Variants in AK8 observed in about 807,000 individuals in gnomAD.
The protein encoded by AK8 is ATP-AMP transphosphorylase 8.
In AK8, 44 loss-of-function variants were observed where a neutral mutation model predicts 54.6. The observed-to-expected ratio is 0.81, with a 90% CI of 0.63 to 1.04. The LOEUF (loss-of-function observed/expected upper bound fraction) is 1.04, where lower values mean the gene tolerates loss of function less well. Among genes scored for constraint, AK8 ranks in the 50% least tolerant of loss-of-function variants. AK8 has a pLI of 0.00. For missense variants in AK8, 555 were observed against 613.6 expected, an observed-to-expected ratio of 0.90 and a Z score of 1.01; for synonymous variants, 239 against 245.6, an observed-to-expected ratio of 0.97 and a Z score of 0.25.
chr9:132,795,061 A>G (rs1302535785), intron 10 of AK8, among the ~76,000 whole-genome samples: 1 of 152,204 alleles, frequency 6.6e-6, no homozygotes. Flanking sequence ...CGTGCCAGCA[A>G]AGACTGTTGG....
chr9:132,823,821 G>A (rs1434977491), intron 8 of AK8, among the ~76,000 whole-genome samples: 1 of 152,246 alleles, frequency 6.6e-6, no homozygotes, highest in Non-Finnish European at 1.5e-5. Flanking sequence ...CACAGGCTTT[G>A]ATAAACGCAT....
intron 11 of AK8, among the ~76,000 whole-genome samples, chr9:132,757,291 G>A (rs1335937506): frequency 1.3e-5 from 2 of 152,150 alleles, no homozygotes; most frequent in Admixed American, 6.5e-5. Flanking sequence ...GGCTCCCCCC[G>A]TCACCCTCAC....
chr9:132,771,100 T>C (rs1027423547), intron 11 of AK8, among the ~76,000 whole-genome samples: 9 of 152,126 alleles, frequency 5.9e-5, no homozygotes, highest in East Asian at 1.9e-4. Flanking sequence ...TCCGTCTCAG[T>C]CCGAGTCCGT....
intron 5 of AK8, among the ~76,000 whole-genome samples, chr9:132,836,941 G>A (rs948270630): frequency 3.3e-5 from 5 of 152,246 alleles, no homozygotes; most frequent in Non-Finnish European, 7.3e-5. Context: ...CTGGCAGATA[G>A]CAGGTGCTTA....
At chr9:132,761,294 TCTCA>T (rs1046900866) in intron 11 of AK8, among the ~76,000 whole-genome samples, 1 of 145,436 alleles carries the variant, frequency 6.9e-6, no homozygotes, top group Non-Finnish European at 1.5e-5. Context: ...TGAGACAGGG[TCTCA>T]CTCAGTCACC....
intron 12 of AK8, among the ~76,000 whole-genome samples, chr9:132,726,411 C>T (rs549412903): frequency 1.6e-4 from 25 of 152,028 alleles, no homozygotes; most frequent in African/African-American, 5.6e-4. Context: ...GCCTCCCAGG[C>T]GTGCACCATT....
intron 1 of AK8, 196 bp downstream of exon 1, chr9:132,877,976 C>T: frequency 7.1e-7 from 1 of 1,413,596 alleles, no homozygotes; most frequent in Non-Finnish European, 9.7e-7. Flanking sequence ...GAGGCAAACC[C>T]GGGCAGGACC....
chr9:132,725,646 A>G lies in AK8; in HGVS notation c.*42T>C, dbSNP rs1590154295. On this transcript the variant is annotated 3_prime_UTR_variant, in exon 13 of 13. Coordinates refer to ENST00000298545, the MANE Select transcript of AK8 (RefSeq NM_152572.3). ...GAGGCTGGGGGGCTGGGGGCAGGGG[A>G]TTAACTCTTTCCCTGGGGCAGCGCT... The G allele has an allele frequency of 1.3e-6, 2 of 1,518,598 alleles. No individual in the cohort carries two copies. Among genetic ancestry groups the G allele is most frequent in the Non-Finnish European group, 9.0e-7 (1 of 1,115,720 alleles). The allele number at this position is 1,518,598 out of a possible 1,614,324, so 94.1% of individuals were successfully genotyped here. A position where few individuals can be genotyped will look rare whatever the true frequency, so the allele number is the denominator to read the frequency against.
intron 11 of AK8, among the ~76,000 whole-genome samples, chr9:132,764,487 C>T (rs527504286): frequency 6.6e-5 from 10 of 152,238 alleles, no homozygotes; most frequent in Admixed American, 6.5e-4. Flanking sequence ...GGACACATTA[C>T]AACTGGTACC....
chr9:132,756,588 C>T lies in AK8; in HGVS notation c.1122-29054G>A, dbSNP rs573980672. On this transcript the variant is annotated intron_variant, in intron 11 of 12. Transcript: ENST00000298545. ...CGATCAGCTGCCGGGGGCCACACTC[C>T]GAAGTGCGAACAGAATCTGAAGCAC... is the stretch of plus-strand genomic sequence containing the variant. 2.6e-5 allele frequency among the ~76,000 whole-genome samples: 4 copies of T among 152,158 alleles called. No homozygotes were observed. In the East Asian group the frequency reaches 7.7e-4, roughly 29 times the overall value.
intron 11 of AK8, among the ~76,000 whole-genome samples, chr9:132,741,407 G>C (rs960136195): frequency 4.6e-5 from 7 of 152,156 alleles, no homozygotes; most frequent in African/African-American, 1.4e-4. Context: ...CTTGACAGTG[G>C]GAACACTGAT....
intron 5 of AK8, among the ~76,000 whole-genome samples, chr9:132,838,777 C>G (rs1247485155): frequency 6.6e-6 from 1 of 152,132 alleles, no homozygotes; most frequent in Non-Finnish European, 1.5e-5. Flanking sequence ...TCTGAGCCAC[C>G]TAGAACATTT....
chr9:132,816,631 T>C (rs1564417983), intron 9 of AK8, among the ~76,000 whole-genome samples: 1 of 152,190 alleles, frequency 6.6e-6, no homozygotes, highest in Non-Finnish European at 1.5e-5. Flanking sequence ...GTAACAGGTA[T>C]CATATTTAAC....
rs981300972 is a variant in AK8 at position 132,790,379 on chromosome 9, T to C, written c.1121+2255A>G. On this transcript the variant is annotated intron_variant, in intron 11 of 12. Transcript: ENST00000298545. The surrounding 1 kb of genome is among the most constrained non-coding windows in gnomAD (Gnocchi z 4.1). Reference sequence around the variant, plus strand: ...CATTCTCCTGCCTCAGACTCCCAAGTAGCTGGGACTACAGGCGGCCGCCAC... The same window carrying C: ...CATTCTCCTGCCTCAGACTCCCAAGCAGCTGGGACTACAGGCGGCCGCCAC... 6.6e-6 allele frequency among the ~76,000 whole-genome samples: 1 copy of C among 152,108 alleles called. No homozygotes were observed. Among genetic ancestry groups the C allele is most frequent in the Admixed American group, 6.5e-5 (1 of 15,280 alleles).
At chr9:132,751,912 C>G (rs1564382317) in intron 11 of AK8, among the ~76,000 whole-genome samples, 3 of 151,694 alleles carry the variant, frequency 2.0e-5, no homozygotes, top group Admixed American at 6.6e-5. Flanking sequence ...GCGATCTGGG[C>G]TCTGCAACAT....
At chr9:132,772,819 T>C (rs1318492778) in intron 11 of AK8, among the ~76,000 whole-genome samples, 1 of 152,150 alleles carries the variant, frequency 6.6e-6, no homozygotes, top group African/African-American at 2.4e-5. Context: ...TCCAGTGTGA[T>C]AGCAAATCAA....
At chr9:132,836,543 G>C (rs1842331373) in intron 5 of AK8, among the ~76,000 whole-genome samples, 1 of 152,166 alleles carries the variant, frequency 6.6e-6, no homozygotes, top group South Asian at 2.1e-4. Context: ...GAGGACTTGG[G>C]GTAGACACAT....
intron 4 of AK8, 60 bp downstream of exon 4, chr9:132,863,605 T>A: frequency 8.6e-7 from 1 of 1,157,318 alleles, no homozygotes; most frequent in Non-Finnish European, 1.3e-6. Context: ...CAGGTGGCAG[T>A]GGGTGTGGCA....
At chr9:132,785,387 C>T (rs553523382) in intron 11 of AK8, among the ~76,000 whole-genome samples, 27 of 152,314 alleles carry the variant, frequency 1.8e-4, no homozygotes, top group African/African-American at 6.5e-4. Flanking sequence ...CAGGCGTGAG[C>T]CACCACGCCC....
Sources: gnomAD v4.1 joint callset for allele counts (sites outside exome capture counted in the v4.1 genomes callset) on GRCh38, gnomAD v4.1.1 for gene constraint, Gnocchi (gnomAD v3.1) non-coding constraint, MANE v1.5 for transcripts, NCBI Gene and HGNC (gene_info 2026-07-23, HGNC 2026-07-21) for gene names.